NRXN1: variants seen among roughly 807,000 people sequenced by gnomAD.
NRXN1 encodes neurexin 1.
NRXN1 carries 39 observed loss-of-function variants against 150.9 expected under a neutral mutation model. The observed-to-expected ratio is 0.26, with a 90% CI of 0.20 to 0.34. The LOEUF (loss-of-function observed/expected upper bound fraction) is 0.34. Among genes scored for constraint, NRXN1 ranks in the 10% least tolerant of loss-of-function variants. The probability of loss-of-function intolerance (pLI) is 1.00; values close to 1 mark genes in which losing one functional copy is unlikely to be tolerated. For synonymous variants in NRXN1, 924 were observed against 757.0 expected (o/e 1.22, Z -3.62); for missense variants, 1,815 against 1,949.9 (o/e 0.93, Z 1.30).
chr2:50,174,824 A>G (rs1304739703), intron 18 of NRXN1: 2 of 152,210 alleles, frequency 1.3e-5, no homozygotes, highest in African/African-American at 2.4e-5. Flanking sequence ...TTAAAAAGCC[A>G]GAAGAACAAC....
chr2:50,872,265 A>G (rs1677894050), intron 5 of NRXN1, among the ~76,000 whole-genome samples: 1 of 151,862 alleles, frequency 6.6e-6, no homozygotes. Flanking sequence ...CAAAAGATGA[A>G]CTAAAATGTA....
chr2:50,948,254 C>T (rs762343598), intron 2 of NRXN1, among the ~76,000 whole-genome samples: 10 of 151,846 alleles, frequency 6.6e-5, no homozygotes, highest in African/African-American at 9.7e-5. Context: ...AATCATCAAA[C>T]GTCCATTATA....
chr2:50,119,193 TG>T (rs1328502542), intron 18 of NRXN1, among the ~76,000 whole-genome samples: 1 of 152,198 alleles, frequency 6.6e-6, no homozygotes, highest in Non-Finnish European at 1.5e-5. Context: ...GTTTACGCTT[TG>T]CCAGAATGTC....
At chr2:49,988,884 G>T (rs1216718488) in intron 21 of NRXN1, among the ~76,000 whole-genome samples, 1 of 152,062 alleles carries the variant, frequency 6.6e-6, no homozygotes, top group Non-Finnish European at 1.5e-5. Context: ...CTTATAACAA[G>T]TTATTTTAAA....
intron 5 of NRXN1, among the ~76,000 whole-genome samples, chr2:50,858,334 C>T (rs913840858): frequency 5.3e-5 from 8 of 152,006 alleles, no homozygotes; most frequent in Non-Finnish European, 8.8e-5. Flanking sequence ...ACTGTTTGGG[C>T]GCAATCATTC....
At chr2:50,928,610 T>A (rs150610401) in intron 2 of NRXN1, among the ~76,000 whole-genome samples, 1 of 152,170 alleles carries the variant, frequency 6.6e-6, no homozygotes, top group East Asian at 1.9e-4. Context: ...CTCATAACAA[T>A]TTTTTCTTTA....
chr2:50,082,210 C>T (rs1176420840), intron 19 of NRXN1, among the ~76,000 whole-genome samples: 2 of 152,128 alleles, frequency 1.3e-5, no homozygotes, highest in Non-Finnish European at 2.9e-5. Context: ...ATTCATTAAC[C>T]TGATTACCCG....
chr2:49,979,345 G>A (rs1167199766), intron 21 of NRXN1, among the ~76,000 whole-genome samples: 1 of 152,136 alleles, frequency 6.6e-6, no homozygotes, highest in Non-Finnish European at 1.5e-5. Flanking sequence ...TGTTCAGTAA[G>A]AGATAAATCT....
At chr2:50,259,038 C>T (rs556806641) in intron 17 of NRXN1, among the ~76,000 whole-genome samples, 2 of 152,018 alleles carry the variant, frequency 1.3e-5, no homozygotes, top group East Asian at 3.9e-4. Context: ...ATTAAGGACC[C>T]TAGGATTTTT....
chr2:49,998,208 A>G (rs995126433), intron 21 of NRXN1, among the ~76,000 whole-genome samples: 3 of 152,186 alleles, frequency 2.0e-5, no homozygotes, highest in African/African-American at 7.2e-5. Flanking sequence ...TGAAAAGATG[A>G]TGGTGTGTTC....
chr2:50,832,604 A>G (rs558397920), intron 5 of NRXN1, among the ~76,000 whole-genome samples: 8 of 152,272 alleles, frequency 5.3e-5, no homozygotes, highest in African/African-American at 1.7e-4. Context: ...CAGTGAGCCA[A>G]TGTCGCACCA....
rs1258936298 is a variant in NRXN1 at position 50,829,526 on chromosome 2, G to A, written c.832+92343C>T. ...TCAAAAACAGCACAGTGGCAAGTGC[G>A]ATGGCCTTATAAGGGATCTTAGGAG... On this transcript the variant is annotated intron_variant, in intron 5 of 22. Transcript: ENST00000401669. The A allele has an allele frequency of 1.1e-5, 18 of 1,608,250 alleles. No individual in the cohort carries two copies. The Admixed American group carries it at 2.3e-4, about 21-fold the overall frequency.
chr2:50,360,465 T>C (rs1362813276), intron 17 of NRXN1, among the ~76,000 whole-genome samples: 10 of 152,138 alleles, frequency 6.6e-5, no homozygotes, highest in Admixed American at 6.5e-4. Context: ...TCTTAGTCTC[T>C]GATAAAACAG....
intron 2 of NRXN1, among the ~76,000 whole-genome samples, chr2:50,935,630 G>C (rs1688423305): frequency 6.6e-6 from 1 of 152,130 alleles, no homozygotes; most frequent in Non-Finnish European, 1.5e-5. Context: ...AGGAGGCTGA[G>C]GCCGGATAAT....
chr2:50,535,133 G>T (rs1260798107), intron 10 of NRXN1, among the ~76,000 whole-genome samples: 1 of 152,186 alleles, frequency 6.6e-6, no homozygotes, highest in African/African-American at 2.4e-5. Flanking sequence ...AATGCACAGG[G>T]TTGTAGTCTA....
chr2:50,865,796 G>C (rs1213233347), intron 5 of NRXN1, among the ~76,000 whole-genome samples: 1 of 147,032 alleles, frequency 6.8e-6, no homozygotes, highest in Admixed American at 7.0e-5. Context: ...TGCTTACTGG[G>C]AATGGGAATT....
At chr2:51,015,311 C>T (rs1192426579) in intron 2 of NRXN1, among the ~76,000 whole-genome samples, 1 of 152,068 alleles carries the variant, frequency 6.6e-6, no homozygotes, top group Non-Finnish European at 1.5e-5. Context: ...AGCTTCCCAG[C>T]TTCCCTGAGG....
At chr2:50,896,846 C>CAA (rs11303142) in intron 5 of NRXN1, among the ~76,000 whole-genome samples, 31 of 128,314 alleles carry the variant, frequency 2.4e-4, no homozygotes, top group African/African-American at 5.8e-4. Flanking sequence ...GATTCTGTCT[C>CAA]AAAAAAAAAA....
intron 12 of NRXN1, among the ~76,000 whole-genome samples, chr2:50,507,463 G>A (rs2092284454): frequency 6.6e-6 from 1 of 152,076 alleles, no homozygotes; most frequent in Non-Finnish European, 1.5e-5. Flanking sequence ...GAGAGCAAGG[G>A]ATTACCAGTG....
Sources: gnomAD v4.1 joint callset for allele counts (sites outside exome capture counted in the v4.1 genomes callset) on GRCh38, gnomAD v4.1.1 for gene constraint, MANE v1.5 for transcripts, NCBI Gene and HGNC (gene_info 2026-07-23, HGNC 2026-07-21) for gene names.